The following CRPPA variants were observed in gnomAD, a reference collection of about 807,000 sequenced individuals.
CRPPA encodes the protein D-ribitol-5-phosphate cytidylyltransferase.
CRPPA carries 43 observed loss-of-function variants against 52.0 expected under a neutral mutation model. The ratio of observed to expected loss-of-function variants is 0.83; its 90% CI spans 0.65 to 1.07. The LOEUF (loss-of-function observed/expected upper bound fraction) is 1.07, where lower values mean the gene tolerates loss of function less well. Among genes scored for constraint, CRPPA ranks in the 50% least tolerant of loss-of-function variants. The probability of loss-of-function intolerance (pLI) is 0.00; values close to 1 mark genes in which losing one functional copy is unlikely to be tolerated. For synonymous variants in CRPPA, 250 were observed against 203.5 expected, an observed-to-expected ratio of 1.23 and a Z score of -1.94; for missense variants, 629 against 551.7, an observed-to-expected ratio of 1.14 and a Z score of -1.40.
chr7:16,213,749 CAAAA>C (rs11454459), intron 9 of CRPPA, among the ~76,000 whole-genome samples: 16 of 131,992 alleles, frequency 1.2e-4, no homozygotes, highest in Non-Finnish European at 2.5e-4. Flanking sequence ...AACTTCGGCT[CAAAA>C]AAAAAAAAAA....
At chr7:16,137,312 T>G (rs987181807) in intron 9 of CRPPA, among the ~76,000 whole-genome samples, 1 of 152,188 alleles carries the variant, frequency 6.6e-6, no homozygotes, top group African/African-American at 2.4e-5. Context: ...ACCTTGAACT[T>G]CCCAGCTTCC....
Position 16,247,391 on chromosome 7 carries a change from G to A in CRPPA, c.1119+10999C>T, listed in dbSNP as rs1037899018. On this transcript the variant is annotated intron_variant, in intron 8 of 9. Transcript: ENST00000407010. The stretch of plus-strand genomic sequence containing the variant: ...GATTTCAGTATTGTTTTGTTTCAGG[G>A]AATAGGGAATCTCAAAGAGAAGGAG... Among the ~76,000 whole-genome samples the A allele has an allele frequency of 5.9e-5, 9 of 152,194 alleles. No individual in the cohort carries two copies. In the East Asian group the frequency reaches 1.7e-3, roughly 29 times the overall value.
intron 5 of CRPPA, among the ~76,000 whole-genome samples, chr7:16,298,757 T>C (rs1289169555): frequency 2.6e-5 from 4 of 152,160 alleles, no homozygotes; most frequent in East Asian, 1.9e-4. Context: ...AACATTTCCA[T>C]TGGAAGACTT....
At chr7:16,100,742 G>A (rs902038602) in intron 9 of CRPPA, among the ~76,000 whole-genome samples, 1 of 152,184 alleles carries the variant, frequency 6.6e-6, no homozygotes, top group African/African-American at 2.4e-5. Context: ...TTTTCAAAGG[G>A]AATGCTTCCA....
chr7:16,377,988 C>T (rs1786944152), intron 2 of CRPPA, among the ~76,000 whole-genome samples: 1 of 152,142 alleles, frequency 6.6e-6, no homozygotes, highest in Non-Finnish European at 1.5e-5. Flanking sequence ...AGACCAGAGT[C>T]TTCTACTGCC....
intron 3 of CRPPA, among the ~76,000 whole-genome samples, chr7:16,318,410 C>G (rs753059231): frequency 2.0e-5 from 3 of 152,186 alleles, no homozygotes; most frequent in Non-Finnish European, 4.4e-5. Flanking sequence ...GTCCAACCCA[C>G]TCCCTTCACT....
chr7:16,091,465 T>C lies in CRPPA; in HGVS notation c.*230A>G. ...TGAAGGCTATTATTTTCCACTTATC[T>C]ACTATTTTTTTCTGGTTCAGGCAAT... On this transcript the variant is annotated 3_prime_UTR_variant, in exon 10 of 10. Transcript: ENST00000407010. The C allele has an allele frequency of 2.6e-6, 1 of 384,082 alleles. No homozygotes were observed. 23.8% of individuals were successfully genotyped at this position (384,082 alleles called of 1,614,324 possible). A position where few individuals can be genotyped will look rare whatever the true frequency, so the allele number is the denominator to read the frequency against.
intron 9 of CRPPA, among the ~76,000 whole-genome samples, chr7:16,182,595 T>C (rs1344055254): frequency 6.6e-6 from 1 of 151,278 alleles, no homozygotes; most frequent in Non-Finnish European, 1.5e-5. Flanking sequence ...TAGATAGGTC[T>C]GTACAGAGCA....
At chr7:16,129,481 G>T (rs1276982017) in intron 9 of CRPPA, among the ~76,000 whole-genome samples, 1 of 151,856 alleles carries the variant, frequency 6.6e-6, no homozygotes, top group African/African-American at 2.4e-5. Context: ...GGCTCTCATT[G>T]TCTCTCTCCT....
intron 9 of CRPPA, among the ~76,000 whole-genome samples, chr7:16,107,385 C>A (rs1782178141): frequency 6.6e-6 from 1 of 151,972 alleles, no homozygotes; most frequent in African/African-American, 2.4e-5. Context: ...AGAAACATAT[C>A]ACATACAAAG....
intron 9 of CRPPA, among the ~76,000 whole-genome samples, chr7:16,116,490 C>A (rs533247213): frequency 5.1e-4 from 78 of 152,010 alleles, no homozygotes; most frequent in African/African-American, 1.8e-3. Flanking sequence ...CATGGCGAAA[C>A]CCCATCTCTA....
At chr7:16,240,572 T>TACATACACACAC (rs1783076349) in intron 8 of CRPPA, among the ~76,000 whole-genome samples, 1 of 148,016 alleles carries the variant, frequency 6.8e-6, no homozygotes, top group Non-Finnish European at 1.5e-5. Flanking sequence ...TTATTACACA[T>TACATACACACAC]ACACACACAC....
At chr7:16,169,716 C>G (rs1309367626) in intron 9 of CRPPA, among the ~76,000 whole-genome samples, 2 of 152,200 alleles carry the variant, frequency 1.3e-5, no homozygotes, top group African/African-American at 2.4e-5. Context: ...CACCATTTCA[C>G]TAGTGCCTCT....
intron 8 of CRPPA, among the ~76,000 whole-genome samples, chr7:16,236,817 A>G (rs1051036060): frequency 1.3e-5 from 2 of 152,162 alleles, no homozygotes; most frequent in African/African-American, 4.8e-5. Context: ...AGGCTTGGAA[A>G]AGACATTGTA....
At chr7:16,286,097 A>ATATAT (rs1554309941) in intron 5 of CRPPA, among the ~76,000 whole-genome samples, 651 of 39,082 alleles carry the variant, frequency 0.017, 78 homozygotes, top group African/African-American at 0.024. Flanking sequence ...TAAAAAAAAA[A>ATATAT]ATATATATAT....
At chr7:16,363,301 A>T (rs182087790) in intron 3 of CRPPA, among the ~76,000 whole-genome samples, 13 of 152,340 alleles carry the variant, frequency 8.5e-5, no homozygotes, top group African/African-American at 2.9e-4. Flanking sequence ...ACTGCAAGTT[A>T]AGGACAGCAA....
chr7:16,266,714 G>T (rs775720314), intron 6 of CRPPA, among the ~76,000 whole-genome samples: 3 of 152,088 alleles, frequency 2.0e-5, no homozygotes, highest in Non-Finnish European at 2.9e-5. Context: ...TCTGACCTTA[G>T]GTGATCCACC....
intron 8 of CRPPA, among the ~76,000 whole-genome samples, chr7:16,242,197 G>T (rs1232277992): frequency 6.6e-6 from 1 of 151,762 alleles, no homozygotes; most frequent in Non-Finnish European, 1.5e-5. Context: ...CTCGTGATCT[G>T]CCCACCTCTG....
At position 16,383,135 on chromosome 7, in the gene CRPPA, G is replaced by A. The variant is rs537008267; in HGVS notation, c.535-6894C>T. Among the ~76,000 whole-genome samples the A allele has an allele frequency of 2.2e-4, 34 of 152,156 alleles. No individual in the cohort carries two copies. The East Asian group carries it at 5.2e-3, about 23-fold the overall frequency. On this transcript the variant is annotated intron_variant, in intron 2 of 9. Transcript: ENST00000407010. ...CATCTTTGTGGTTTTATCTACTTTT[G>A]GTCTTTGATGATGGTGATGTACAGA...
Sources: gnomAD v4.1 joint callset for allele counts (sites outside exome capture counted in the v4.1 genomes callset) on GRCh38, gnomAD v4.1.1 for gene constraint, MANE v1.5 for transcripts, NCBI Gene and HGNC (gene_info 2026-07-23, HGNC 2026-07-21) for gene names.